The following JARID2 variants were observed in gnomAD, a reference collection of about 807,000 sequenced individuals.
The protein encoded by JARID2 is jumonji and AT-rich interaction domain containing 2.
Under a neutral mutation model 125.6 loss-of-function variants are expected in JARID2, and 21 were observed. The observed-to-expected ratio is 0.17, with a 90% CI of 0.12 to 0.24. JARID2 has a LOEUF of 0.24. Among genes scored for constraint, JARID2 ranks in the 10% least tolerant of loss-of-function variants. The pLI, the probability that JARID2 is intolerant of heterozygous loss-of-function variation, is 1.00. For missense variants in JARID2, 1,303 were observed against 1,639.6 expected, an observed-to-expected ratio of 0.79 and a Z score of 3.55; for synonymous variants, 736 against 661.6, an observed-to-expected ratio of 1.11 and a Z score of -1.73.
At chr6:15,446,837 C>A (rs1767689948) in intron 3 of JARID2, among the ~76,000 whole-genome samples, 1 of 152,164 alleles carries the variant, frequency 6.6e-6, no homozygotes, top group Non-Finnish European at 1.5e-5. Context: ...CAAGGCTTTG[C>A]CTAACCTGCC....
At chr6:15,325,026 C>G (rs573607431) in intron 1 of JARID2, among the ~76,000 whole-genome samples, 1 of 151,892 alleles carries the variant, frequency 6.6e-6, no homozygotes, top group Admixed American at 6.6e-5. Flanking sequence ...TCTGTGTATT[C>G]GTATGTGTTT....
chr6:15,283,705 ATTT>A (rs58730259), intron 1 of JARID2, among the ~76,000 whole-genome samples: 6 of 113,112 alleles, frequency 5.3e-5, no homozygotes, highest in East Asian at 2.6e-4. Context: ...TCCTTTAAGT[ATTT>A]TTTTTTTTTT....
intron 3 of JARID2, among the ~76,000 whole-genome samples, chr6:15,427,657 C>T (rs1766788676): frequency 6.6e-6 from 1 of 152,040 alleles, no homozygotes; most frequent in Non-Finnish European, 1.5e-5. Flanking sequence ...GTCTAAACAC[C>T]ACCCTGATCT....
At chr6:15,316,752 CTT>C (rs1408226266) in intron 1 of JARID2, among the ~76,000 whole-genome samples, 2 of 152,140 alleles carry the variant, frequency 1.3e-5, no homozygotes, top group Non-Finnish European at 2.9e-5. Flanking sequence ...ATCCTCCTGC[CTT>C]TGCCTCCTGA....
chr6:15,419,710 A>G (rs1233911044), intron 3 of JARID2, among the ~76,000 whole-genome samples: 1 of 152,196 alleles, frequency 6.6e-6, no homozygotes, highest in African/African-American at 2.4e-5. Flanking sequence ...ACACTGCCCC[A>G]CTGTCCCGAT....
chr6:15,443,337 A>T (rs1251587559), intron 3 of JARID2, among the ~76,000 whole-genome samples: 1 of 152,146 alleles, frequency 6.6e-6, no homozygotes, highest in Non-Finnish European at 1.5e-5. Context: ...TGCCTAAATG[A>T]GTTACTCCTC....
chr6:15,495,781 A>G (rs956727752), intron 6 of JARID2, among the ~76,000 whole-genome samples: 1 of 152,292 alleles, frequency 6.6e-6, no homozygotes, highest in South Asian at 2.1e-4. Context: ...AGGTGATTGC[A>G]TGGCACGTGG....
intron 2 of JARID2, among the ~76,000 whole-genome samples, chr6:15,377,885 C>CTA (rs1764421371): frequency 8.0e-6 from 1 of 124,816 alleles, no homozygotes; most frequent in African/African-American, 2.9e-5. Flanking sequence ...TTTTTTTCTT[C>CTA]TTCTTTTTTT....
chr6:15,418,216 C>CTTTT (rs56801667), intron 3 of JARID2, among the ~76,000 whole-genome samples: 12 of 117,798 alleles, frequency 1.0e-4, no homozygotes, highest in African/African-American at 1.3e-4. Flanking sequence ...CTATATTCCT[C>CTTTT]TTTTTTTTTT....
At chr6:15,500,799 A>C in intron 7 of JARID2, 108 bp from the exon 8 acceptor site, 1 of 933,418 alleles carries the variant, frequency 1.1e-6, no homozygotes, top group Non-Finnish European at 1.6e-6. Context: ...AGAGCCTGTC[A>C]GAGTCCTGGC....
intron 5 of JARID2, among the ~76,000 whole-genome samples, chr6:15,477,128 T>C (rs1017553055): frequency 2.0e-5 from 3 of 152,246 alleles, no homozygotes; most frequent in African/African-American, 4.8e-5. Flanking sequence ...AAACAGCATG[T>C]CATTGGACTC....
chr6:15,332,341 T>C (rs1387399305), intron 1 of JARID2, among the ~76,000 whole-genome samples: 1 of 152,176 alleles, frequency 6.6e-6, no homozygotes, highest in Non-Finnish European at 1.5e-5. Flanking sequence ...CTTTTAGTAA[T>C]GAATTAGAAT....
chr6:15,458,444 T>A (rs955974558), intron 4 of JARID2, among the ~76,000 whole-genome samples: 1 of 152,250 alleles, frequency 6.6e-6, no homozygotes, highest in Non-Finnish European at 1.5e-5. Context: ...ATATCCTTAC[T>A]GTCAGCCGTT....
chr6:15,349,049 T>G (rs1474799945), intron 1 of JARID2, among the ~76,000 whole-genome samples: 2 of 152,222 alleles, frequency 1.3e-5, no homozygotes, highest in Admixed American at 6.5e-5. Context: ...ATGTTTTCAC[T>G]GAGATTCCTG....
chr6:15,251,630 G>T (rs999918519), intron 1 of JARID2, among the ~76,000 whole-genome samples: 1 of 152,152 alleles, frequency 6.6e-6, no homozygotes, highest in East Asian at 1.9e-4. Context: ...TCCCAAATCT[G>T]GTTATTCCAG....
chr6:15,402,030 TC>T (rs1418021468), intron 2 of JARID2, among the ~76,000 whole-genome samples: 3 of 151,938 alleles, frequency 2.0e-5, no homozygotes, highest in South Asian at 2.1e-4. Flanking sequence ...GGAACTACTG[TC>T]CCTCCTAGTC....
At position 15,520,172 on chromosome 6, in the gene JARID2, G is replaced by C. The variant is rs763081488; in HGVS notation, c.3662G>C (p.Arg1221Pro). Residue 1221 changes from arginine (R) to proline (P), a missense_variant, in exon 18 of 18, where the codon CGC becomes CCC. Around this residue, in one of 11 missense-constraint regions of JARID2, gnomAD observed 75 missense variants for 66.0 expected, o/e 1.14. Coordinates refer to ENST00000341776, the MANE Select transcript of JARID2 (RefSeq NM_004973.4). The part of the protein sequence containing the change: ...LSKPTPKRGP[R>P]KRATVDVPPS... ...AAACCCACACCAAAAAGAGGTCCCC[G>C]CAAGAGAGCGACAGTGGACGTGCCC... 1 of 1,614,000 alleles carries C rather than the reference G, an allele frequency of 6.2e-7. No individual in the cohort carries two copies. Among genetic ancestry groups the C allele is most frequent in the South Asian group, 1.1e-5 (1 of 91,064 alleles).
At chr6:15,507,480 C>G in intron 11 of JARID2, 64 bp downstream of exon 11, 2 of 1,417,134 alleles carry the variant, frequency 1.4e-6, no homozygotes, top group Non-Finnish European at 2.0e-6. Flanking sequence ...TGCTGAGAAC[C>G]AGGGCTGGGA....
At chr6:15,312,319 C>CT (rs1203528345) in intron 1 of JARID2, among the ~76,000 whole-genome samples, 2 of 152,216 alleles carry the variant, frequency 1.3e-5, no homozygotes, top group Non-Finnish European at 2.9e-5. Context: ...TCCCAAAGTG[C>CT]TGGGGTTACA....
Sources: gnomAD v4.1 joint callset for allele counts (sites outside exome capture counted in the v4.1 genomes callset) on GRCh38, gnomAD v4.1.1 for gene constraint, gnomAD v4.1.1 regional missense constraint, MANE v1.5 for transcripts, NCBI Gene and HGNC (gene_info 2026-07-23, HGNC 2026-07-21) for gene names.